The following EPHB1 variants were observed in gnomAD, a reference collection of about 807,000 sequenced individuals.
EPHB1 encodes ephrin type-B receptor 1.
In EPHB1, 30 loss-of-function variants were observed where a neutral mutation model predicts 94.4. The ratio of observed to expected loss-of-function variants is 0.32; its 90% CI spans 0.24 to 0.43. EPHB1 has a LOEUF of 0.43. Among genes scored for constraint, EPHB1 ranks in the 20% least tolerant of loss-of-function variants. The pLI is 1.00. For missense variants in EPHB1, 1,055 were observed against 1,308.3 expected (o/e 0.81, Z 2.99); for synonymous variants, 522 against 489.1 (o/e 1.07, Z -0.89).
At chr3:134,813,319 G>A (rs2108286947) in intron 1 of EPHB1, among the ~76,000 whole-genome samples, 1 of 152,300 alleles carries the variant, frequency 6.6e-6, no homozygotes, top group East Asian at 1.9e-4. Flanking sequence ...TCAGTAGAAA[G>A]GAAGGGCATT....
At chr3:135,189,435 T>C (rs1200161253) in intron 10 of EPHB1, among the ~76,000 whole-genome samples, 1 of 152,220 alleles carries the variant, frequency 6.6e-6, no homozygotes, top group Non-Finnish European at 1.5e-5. Context: ...TGGTGCATTT[T>C]CACAGGGCCG....
At chr3:134,987,563 TC>T (rs1934643717) in intron 3 of EPHB1, among the ~76,000 whole-genome samples, 1 of 151,918 alleles carries the variant, frequency 6.6e-6, no homozygotes, top group African/African-American at 2.4e-5. Flanking sequence ...ATCGAGACCA[TC>T]CTGGCTAACA....
chr3:134,826,908 C>T (rs1183419260), intron 1 of EPHB1, among the ~76,000 whole-genome samples: 5 of 152,166 alleles, frequency 3.3e-5, no homozygotes, highest in South Asian at 2.1e-4. Flanking sequence ...GAACATCTGA[C>T]GCAACATCCA....
chr3:135,250,849 A>T (rs1933051754), intron 15 of EPHB1, among the ~76,000 whole-genome samples: 1 of 152,102 alleles, frequency 6.6e-6, no homozygotes, highest in Middle Eastern at 3.2e-3. Flanking sequence ...GTCTGCGAAC[A>T]CGTATTGATC....
chr3:135,221,298 A>G (rs1347847093), intron 12 of EPHB1, among the ~76,000 whole-genome samples: 17 of 152,336 alleles, frequency 1.1e-4, no homozygotes, highest in African/African-American at 3.6e-4. Flanking sequence ...ATGATTATTT[A>G]CCTTACTATT....
At chr3:134,845,258 G>A (rs1403697516) in intron 1 of EPHB1, among the ~76,000 whole-genome samples, 1 of 152,210 alleles carries the variant, frequency 6.6e-6, no homozygotes, top group Non-Finnish European at 1.5e-5. Context: ...TACTTGTCAT[G>A]GAGTAGTTTT....
At chr3:135,042,220 C>T (rs1428250933) in intron 3 of EPHB1, among the ~76,000 whole-genome samples, 1 of 152,178 alleles carries the variant, frequency 6.6e-6, no homozygotes, top group Non-Finnish European at 1.5e-5. Context: ...TATGAGCCAC[C>T]ATACCCGGCC....
chr3:134,953,443 C>A (rs185257), intron 3 of EPHB1, among the ~76,000 whole-genome samples: 89,148 of 152,180 alleles, frequency 0.59, 29,001 homozygotes, highest in African/African-American at 0.88. Context: ...TCCACTGATG[C>A]ATCAACGTCA....
intron 1 of EPHB1, among the ~76,000 whole-genome samples, chr3:134,803,440 T>G (rs1275573812): frequency 6.6e-6 from 1 of 152,098 alleles, no homozygotes; most frequent in African/African-American, 2.4e-5. Flanking sequence ...CATGTAAGCC[T>G]GAGGGAGCCA....
intron 3 of EPHB1, among the ~76,000 whole-genome samples, chr3:134,995,782 T>G (rs1934968498): frequency 6.7e-6 from 1 of 149,118 alleles, no homozygotes; most frequent in Non-Finnish European, 1.5e-5. Flanking sequence ...ACCCAGCAAT[T>G]GAAGTCTTGA....
intron 12 of EPHB1, among the ~76,000 whole-genome samples, chr3:135,203,927 G>A (rs1239297189): frequency 2.0e-5 from 3 of 151,958 alleles, no homozygotes; most frequent in African/African-American, 7.3e-5. Flanking sequence ...CCCTCACAAA[G>A]GGTTGCTGCT....
intron 3 of EPHB1, among the ~76,000 whole-genome samples, chr3:135,003,228 T>C (rs1305278619): frequency 6.6e-6 from 1 of 151,384 alleles, no homozygotes; most frequent in Non-Finnish European, 1.5e-5. Context: ...CCAGTAGTCA[T>C]TCAGGAGCAG....
At chr3:135,092,424 G>A (rs1477434966) in intron 3 of EPHB1, among the ~76,000 whole-genome samples, 1 of 152,160 alleles carries the variant, frequency 6.6e-6, no homozygotes, top group East Asian at 1.9e-4. Flanking sequence ...CTGGTAGGGT[G>A]CTTCTGCTCT....
At chr3:134,939,145 A>C (rs1343565043) in intron 2 of EPHB1, among the ~76,000 whole-genome samples, 1 of 152,140 alleles carries the variant, frequency 6.6e-6, no homozygotes, top group Admixed American at 6.5e-5. Flanking sequence ...TTGGGAAACA[A>C]TATGTATATG....
At chr3:135,232,989 C>G (rs1943568325) in intron 12 of EPHB1, among the ~76,000 whole-genome samples, 1 of 152,190 alleles carries the variant, frequency 6.6e-6, no homozygotes, top group South Asian at 2.1e-4. Context: ...TTACAACACA[C>G]AGGGATCATG....
rs549956348 is a variant in EPHB1, at chr3:134,848,282, G to T, written c.58+52593G>T. On this transcript the variant is annotated intron_variant, in intron 1 of 15. Transcript: ENST00000398015. ...GAGGTTGGTTCTGGGACGTCTTCCT[G>T]GTGGCAAGGGCATGTCTCCATGAAG... 3.9e-5 allele frequency among the ~76,000 whole-genome samples: 6 copies of T among 152,304 alleles called. No individual in the cohort carries two copies. In the East Asian group the frequency reaches 1.2e-3, roughly 29 times the overall value.
intron 12 of EPHB1, among the ~76,000 whole-genome samples, chr3:135,224,247 A>G (rs757756258): frequency 5.9e-5 from 9 of 152,342 alleles, no homozygotes; most frequent in Admixed American, 2.0e-4. Context: ...ATTGTTAAGC[A>G]ATGCATGACT....
intron 3 of EPHB1, among the ~76,000 whole-genome samples, chr3:135,089,820 T>G (rs1938493286): frequency 6.6e-6 from 1 of 152,210 alleles, no homozygotes; most frequent in Non-Finnish European, 1.5e-5. Context: ...CATTCCTCCC[T>G]CTGAGCCTTC....
intron 7 of EPHB1, 57 bp from the exon 8 acceptor site, chr3:135,165,911 T>C: frequency 1.6e-6 from 2 of 1,238,038 alleles, no homozygotes; most frequent in Non-Finnish European, 2.4e-6. Context: ...GTGCACTGAG[T>C]ATCAGCTGTA....
Sources: gnomAD v4.1 joint callset for allele counts (sites outside exome capture counted in the v4.1 genomes callset) on GRCh38, gnomAD v4.1.1 for gene constraint, MANE v1.5 for transcripts, NCBI Gene and HGNC (gene_info 2026-07-23, HGNC 2026-07-21) for gene names.